SASH3: variants seen among roughly 807,000 people sequenced by gnomAD.
SASH3 encodes SAM and SH3 domain containing 3, also known as SAM and SH3 domain-containing protein 3.
Under a neutral mutation model 26.1 loss-of-function variants are expected in SASH3, and 7 were observed. That is an observed-to-expected ratio of 0.27 (90% confidence interval 0.15 to 0.50). The LOEUF (loss-of-function observed/expected upper bound fraction) is 0.50, where lower values mean the gene tolerates loss of function less well. Among genes scored for constraint, SASH3 ranks in the 20% least tolerant of loss-of-function variants. The probability of loss-of-function intolerance (pLI) is 0.98; values close to 1 mark genes in which losing one functional copy is unlikely to be tolerated. For synonymous variants in SASH3, 138 were observed against 136.8 expected (o/e 1.01, Z -0.06); for missense variants, 231 against 318.3 (o/e 0.73, Z 2.09).
intron 5 of SASH3, 58 bp from the exon 6 acceptor site, chrX:129,792,569 C>T (rs768907423): frequency 1.7e-6 from 2 of 1,189,906 alleles, no homozygotes; most frequent in South Asian, 3.5e-5. Context: ...TCAGTGGAGG[C>T]CAAGGCCCCC....
chrX:129,786,951 C>T (rs1027629344), intron 1 of SASH3, among the ~76,000 whole-genome samples: 1 of 105,785 alleles, frequency 9.5e-6, no homozygotes, highest in Non-Finnish European at 1.9e-5. Context: ...GCAGAGATCT[C>T]GCCACTGCAC....
rs185386000 is a variant in SASH3 at position 129,793,863 on chromosome X, C to A, written c.*31C>A. On this transcript the variant is annotated 3_prime_UTR_variant, in exon 8 of 8. Coordinates refer to ENST00000356892, the MANE Select transcript of SASH3 (RefSeq NM_018990.4). ...CGGTGGCAATAGGCCAAGGCTGGGA[C>A]CCAGCTGCAAAGGCTGTAGGAGTGG... The A allele has an allele frequency of 2.5e-5, 28 of 1,142,009 alleles. No individual in the cohort carries two copies. The highest frequency in any genetic ancestry group is 1.3e-4 in the East Asian group (4 of 30,606). 94.1% of individuals were successfully genotyped at this position (1,142,009 alleles called of 1,213,427 possible).
intron 3 of SASH3, among the ~76,000 whole-genome samples, chrX:129,789,749 A>G (rs993558882): frequency 8.9e-6 from 1 of 112,220 alleles, no homozygotes; most frequent in African/African-American, 3.2e-5. Flanking sequence ...TAAATCACAC[A>G]GTGGGTTTGG....
chrX:129,789,021 G>A (rs1927162588), intron 3 of SASH3, among the ~76,000 whole-genome samples: 1 of 107,419 alleles, frequency 9.3e-6, no homozygotes, highest in Admixed American at 1.0e-4. Flanking sequence ...AGAATTGCTT[G>A]AACTTAGGAG....
chrX:129,793,883 G>A lies in SASH3; in HGVS notation c.*51G>A, dbSNP rs1927280779. The A allele has an allele frequency of 1.8e-6, 2 of 1,088,518 alleles. No individual in the cohort carries two copies. Among genetic ancestry groups the A allele is most frequent in the African/African-American group, 3.6e-5 (2 of 54,810 alleles). 89.7% of individuals were successfully genotyped at this position (1,088,518 alleles called of 1,213,427 possible). ...TGGGACCCAGCTGCAAAGGCTGTAG[G>A]AGTGGGCCCAGCCTCCCGTGGTGGC... On this transcript the variant is annotated 3_prime_UTR_variant, in exon 8 of 8. Transcript: ENST00000356892.
intron 2 of SASH3, 74 bp from the exon 3 acceptor site, chrX:129,788,356 AG>A: frequency 9.0e-7 from 1 of 1,107,221 alleles, no homozygotes; most frequent in Non-Finnish European, 1.2e-6. Flanking sequence ...TGTGACCCCA[AG>A]GCCTCTTTTG....
At chrX:129,789,139 A>AAGAAAGAAAGAAAGAAAGAG in intron 3 of SASH3, among the ~76,000 whole-genome samples, 1 of 66,935 alleles carries the variant, frequency 1.5e-5, no homozygotes, top group African/African-American at 9.5e-5. Context: ...GAAAGAAAGA[A>AAGAAAGAAAGAAAGAAAGAG]AGAAAGAAAG....
intron 1 of SASH3, among the ~76,000 whole-genome samples, chrX:129,783,780 G>A (rs756493878): frequency 2.7e-5 from 3 of 111,147 alleles, no homozygotes; most frequent in South Asian, 3.8e-4. Context: ...AGGAGCAGAG[G>A]GGGTAGCTCA....
chrX:129,794,825 T>C lies in SASH3; in HGVS notation c.*993T>C, dbSNP rs771459111. 7 of 111,479 alleles carry C rather than the reference T, an allele frequency of 6.3e-5. No homozygotes were observed. The highest frequency in any genetic ancestry group is 1.3e-4 in the Non-Finnish European group (7 of 53,037). 9.2% of individuals were successfully genotyped at this position (111,479 alleles called of 1,213,427 possible). A position where few individuals can be genotyped will look rare whatever the true frequency, so the allele number is the denominator to read the frequency against. ...GCCAGCTGTGGATCTGAGTCCAGAG[T>C]TGGCCACTTGTGTGGGTCCTCACAA... is the stretch of plus-strand genomic sequence containing the variant. On this transcript the variant is annotated 3_prime_UTR_variant, in exon 8 of 8. Transcript: ENST00000356892.
chrX:129,789,813 C>T (rs757708221), intron 3 of SASH3, among the ~76,000 whole-genome samples: 2 of 111,978 alleles, frequency 1.8e-5, no homozygotes, highest in South Asian at 3.7e-4. Context: ...GGAGTTGGCT[C>T]GTACTGGGCT....
In SASH3 at chrX:129,779,974, C is replaced by A. The variant is rs1354584202; in HGVS notation, c.-124C>A. 6 of 621,747 alleles carry A rather than the reference C, an allele frequency of 9.7e-6. No individual in the cohort carries two copies. The highest frequency in any genetic ancestry group is 2.5e-6 in the Non-Finnish European group (1 of 393,802). 51.2% of individuals were successfully genotyped at this position (621,747 alleles called of 1,213,427 possible). Reference sequence around the variant, plus strand: ...ACCCCCAAGCTGCCACTGCAGCAGTCAGAGTGGCAGCTGAAGGCTCGGTTC... The same window carrying A: ...ACCCCCAAGCTGCCACTGCAGCAGTAAGAGTGGCAGCTGAAGGCTCGGTTC... On this transcript the variant is annotated 5_prime_UTR_variant, in exon 1 of 8. Transcript: ENST00000356892.
intron 3 of SASH3, among the ~76,000 whole-genome samples, chrX:129,789,169 A>AAGAAAGAGAG (rs112301444): frequency 2.7e-5 from 1 of 36,413 alleles, no homozygotes. Context: ...AAGAAAGAGA[A>AAGAAAGAGAG]AAAAAAAAAA....
At chrX:129,782,653 C>T (rs1489507905) in intron 1 of SASH3, among the ~76,000 whole-genome samples, 1 of 112,248 alleles carries the variant, frequency 8.9e-6, no homozygotes, top group African/African-American at 3.2e-5. Flanking sequence ...ACTCTCTTGT[C>T]CCCTTGTTGA....
At chrX:129,792,554 C>T (rs1218876217) in intron 5 of SASH3, 73 bp from the exon 6 acceptor site, 1 of 1,196,868 alleles carries the variant, frequency 8.4e-7, no homozygotes, top group Non-Finnish European at 1.1e-6. Context: ...CAGGCTATGA[C>T]AGTGTCAGTG....
chrX:129,792,689 T>C lies in SASH3; in HGVS notation c.654T>C (p.Asn218=). Residue 218 remains asparagine, a synonymous_variant, in exon 6 of 8, where the codon AAT becomes AAC. Coordinates refer to ENST00000356892, the MANE Select transcript of SASH3 (RefSeq NM_018990.4). Reference sequence around the variant, plus strand: ...TGGGCACGTGGCTGGGCCTACTCAATGGCAAGGTGGGCTCTTTCAAATTCA... The same window carrying C: ...TGGGCACGTGGCTGGGCCTACTCAACGGCAAGGTGGGCTCTTTCAAATTCA... ...PPVGTWLGLL[N]GKVGSFKFIY... 2 of 1,211,204 alleles carry C rather than the reference T, an allele frequency of 1.7e-6. No homozygotes were observed. The highest frequency in any genetic ancestry group is 2.2e-6 in the Non-Finnish European group (2 of 895,439).
At chrX:129,780,743 A>T (rs770492412) in intron 1 of SASH3, among the ~76,000 whole-genome samples, 1 of 113,111 alleles carries the variant, frequency 8.8e-6, no homozygotes, top group Non-Finnish European at 1.9e-5. Flanking sequence ...GCCTGAGGCC[A>T]TTCCAGTCTT....
intron 3 of SASH3, among the ~76,000 whole-genome samples, chrX:129,789,656 G>A (rs1476052417): frequency 9.0e-6 from 1 of 111,231 alleles, no homozygotes; most frequent in Non-Finnish European, 1.9e-5. Flanking sequence ...GAAAAAAAAA[G>A]AGAGAAAACA....
In SASH3 at chrX:129,794,042, A is replaced by T. The variant is rs1927285426; in HGVS notation, c.*210A>T. On this transcript the variant is annotated 3_prime_UTR_variant, in exon 8 of 8. Coordinates refer to ENST00000356892, the MANE Select transcript of SASH3 (RefSeq NM_018990.4). ...GGGGAGTCGCCCAAGGGCACATCCC[A>T]CCTGCCTGAGCCCCGCCCTCCACCA... The T allele has an allele frequency of 1.0e-5, 4 of 401,382 alleles. No homozygotes were observed. The South Asian group carries it at 2.1e-4, about 21-fold the overall frequency. The allele number at this position is 401,382 out of a possible 1,213,427, so 33.1% of individuals were successfully genotyped here.
intron 1 of SASH3, among the ~76,000 whole-genome samples, chrX:129,783,724 A>C (rs1927058135): frequency 9.0e-6 from 1 of 111,147 alleles, no homozygotes; most frequent in East Asian, 2.8e-4. Flanking sequence ...ACACAGAGGT[A>C]GGGCCTAGAG....
Sources: allele counts gnomAD v4.1 joint callset (sites outside exome capture counted in the v4.1 genomes callset), GRCh38; gene constraint gnomAD v4.1.1; transcripts MANE v1.5; gene names NCBI Gene and HGNC (gene_info 2026-07-23, HGNC 2026-07-21).